LIPA: variants seen among roughly 807,000 people sequenced by gnomAD.
LIPA encodes lysosomal acid lipase/cholesteryl ester hydrolase.
LIPA carries 26 observed loss-of-function variants against 40.6 expected under a neutral mutation model. The observed-to-expected ratio is 0.64, with a 90% CI of 0.47 to 0.89. LIPA has a LOEUF of 0.89. Ranked by LOEUF, LIPA falls within the 40% of genes least tolerant of loss-of-function variation. The pLI, the probability that LIPA is intolerant of heterozygous loss-of-function variation, is 0.00. For synonymous variants in LIPA, 188 were observed against 168.4 expected (o/e 1.12, Z -0.90); for missense variants, 455 against 479.6 (o/e 0.95, Z 0.48).
Position 89,214,714 on chromosome 10 carries a change from TATAAAAAAACAAAAGACCTGGGAA to T in LIPA, c.*90_*113del. 1 of 693,500 alleles carries T rather than the reference TATAAAAAAACAAAAGACCTGGGAA, an allele frequency of 1.4e-6. No homozygotes were observed. The highest frequency in any genetic ancestry group is 2.7e-5 in the East Asian group (1 of 36,958). 43.0% of individuals were successfully genotyped at this position (693,500 alleles called of 1,614,324 possible). A position where few individuals can be genotyped will look rare whatever the true frequency, so the allele number is the denominator to read the frequency against. On this transcript the variant is annotated 3_prime_UTR_variant, in exon 10 of 10. Transcript: ENST00000336233. ...TCTTCAAAGTTATCATTTTCTTGGATATAAAAAAACAAAAGACCTGGGAAAGAAAAACAAGTGTTTTACAGAAAT... is the reference window on the plus strand; with the variant it reads ...TCTTCAAAGTTATCATTTTCTTGGATAGAAAAACAAGTGTTTTACAGAAAT...
chr10:89,371,142 G>A (rs1482562728), intron 2 of LIPA, among the ~76,000 whole-genome samples: 1 of 152,272 alleles, frequency 6.6e-6, no homozygotes, highest in Admixed American at 6.5e-5. Flanking sequence ...GCACTGGCCA[G>A]ATCCCACCAA....
intron 2 of LIPA, chr10:89,383,539 A>T (rs1409567030): frequency 6.2e-7 from 1 of 1,614,236 alleles, no homozygotes; most frequent in Non-Finnish European, 8.5e-7. Context: ...GGTCAGCTTG[A>T]AAAAGGCTGA....
At chr10:89,303,652 T>C (rs1277379491) in intron 1 of LIPA, among the ~76,000 whole-genome samples, 1 of 152,252 alleles carries the variant, frequency 6.6e-6, no homozygotes, top group Non-Finnish European at 1.5e-5. Flanking sequence ...ATATTAAATA[T>C]CTCTATCCTG....
intron 4 of LIPA, among the ~76,000 whole-genome samples, 195 bp from the exon 5 acceptor site, chr10:89,227,199 T>C (rs1842781123): frequency 6.6e-6 from 1 of 152,240 alleles, no homozygotes; most frequent in African/African-American, 2.4e-5. Context: ...CAAAAGTAAC[T>C]ATTGTCCTCA....
At chr10:89,245,943 C>T (rs1843019186) in intron 2 of LIPA, 150 bp from the exon 3 acceptor site, 3 of 691,400 alleles carry the variant, frequency 4.3e-6, no homozygotes, top group Non-Finnish European at 5.3e-6. Context: ...TAGTAGCCAA[C>T]TTCTCATCAC....
intron 3 of LIPA, among the ~76,000 whole-genome samples, chr10:89,243,801 T>C (rs1393780732): frequency 6.6e-6 from 1 of 152,204 alleles, no homozygotes. Context: ...AACCACTGTA[T>C]GGAGAGAGAA....
chr10:89,298,527 C>G (rs1396942335), intron 1 of LIPA, among the ~76,000 whole-genome samples: 1 of 152,100 alleles, frequency 6.6e-6, no homozygotes, highest in Non-Finnish European at 1.5e-5. Context: ...AAAGTCCTCC[C>G]CTACAAAAGC....
intron 2 of LIPA, among the ~76,000 whole-genome samples, chr10:89,394,694 A>G (rs998844502): frequency 6.7e-6 from 1 of 150,188 alleles, no homozygotes. Context: ...GTAAAATAAA[A>G]TTTATCATTT....
intron 1 of LIPA, among the ~76,000 whole-genome samples, chr10:89,264,195 G>T (rs1033099546): frequency 2.0e-5 from 3 of 152,180 alleles, no homozygotes; most frequent in African/African-American, 7.2e-5. Context: ...CCCTATTTGT[G>T]TTACAGCTCT....
At position 89,223,817 on chromosome 10, in the gene LIPA, T is replaced by A; in HGVS notation, c.689A>T (p.Asp230Val). ...PDHLIKDLFG[D>V]KEFLPQSAFL... ...CGCACTCTGGGGAAGAAATTCTTTGTCTCCAAATAAGTCCTACAAAATAAA... is the reference window on the plus strand; with the variant it reads ...CGCACTCTGGGGAAGAAATTCTTTGACTCCAAATAAGTCCTACAAAATAAA... Residue 230 changes from aspartate (D) to valine (V), a missense_variant, in exon 7 of 10, where the codon GAC becomes GTC. By Grantham distance (152) the Asp-to-Val change is radical. Coordinates refer to ENST00000336233, the MANE Select transcript of LIPA (RefSeq NM_000235.4). The A allele has an allele frequency of 1.2e-6, 2 of 1,614,064 alleles. No homozygotes were observed. The highest frequency in any genetic ancestry group is 2.2e-5 in the South Asian group (2 of 91,074).
chr10:89,254,858 A>G (rs1564769920), upstream of LIPA, among the ~76,000 whole-genome samples: 1 of 152,178 alleles, frequency 6.6e-6, no homozygotes, highest in African/African-American at 2.4e-5. Flanking sequence ...GGGCAGGGAC[A>G]AAATGCCCCC....
At chr10:89,270,799 G>C (rs1843261633) in intron 1 of LIPA, among the ~76,000 whole-genome samples, 1 of 152,212 alleles carries the variant, frequency 6.6e-6, no homozygotes, top group Non-Finnish European at 1.5e-5. Context: ...AGATAGGGAG[G>C]CTCTATGGCA....
intron 1 of LIPA, among the ~76,000 whole-genome samples, chr10:89,332,109 T>C (rs1564788159): frequency 6.6e-6 from 1 of 152,024 alleles, no homozygotes; most frequent in East Asian, 1.9e-4. Flanking sequence ...TGCACGTCTG[T>C]AATCCCAGCT....
intron 1 of LIPA, chr10:89,277,782 C>T (rs1843296162): frequency 6.6e-6 from 1 of 152,152 alleles, no homozygotes; most frequent in South Asian, 2.1e-4. Context: ...CATTCATCTT[C>T]CAAGAAAACA....
chr10:89,277,724 TTGGGTTCAGGGATATGAC>T (rs1307975729), intron 1 of LIPA, among the ~76,000 whole-genome samples: 1 of 152,230 alleles, frequency 6.6e-6, no homozygotes, highest in Non-Finnish European at 1.5e-5. Flanking sequence ...CTGGTCATGA[TTGGGTTCAGGGATATGAC>T]TGGATTGGAG....
At chr10:89,408,200 AT>A (rs1213196133) in intron 2 of LIPA, among the ~76,000 whole-genome samples, 2 of 152,046 alleles carry the variant, frequency 1.3e-5, no homozygotes, top group Non-Finnish European at 2.9e-5. Context: ...GAGGTGGCTC[AT>A]TTTTTTCTGT....
intron 2 of LIPA, among the ~76,000 whole-genome samples, chr10:89,374,307 T>G (rs1032830668): frequency 1.2e-4 from 18 of 152,096 alleles, no homozygotes; most frequent in South Asian, 8.3e-4. Flanking sequence ...TAGTTTCCAT[T>G]GTTTTTTTCC....
At chr10:89,403,083 G>T (rs757151697) in intron 2 of LIPA, 1 of 1,614,064 alleles carries the variant, frequency 6.2e-7, no homozygotes, top group African/African-American at 1.3e-5. Context: ...TGTGGATAAA[G>T]CTCTTGAGTT....
chr10:89,238,530 A>G (rs1842931617), intron 3 of LIPA, among the ~76,000 whole-genome samples: 1 of 152,038 alleles, frequency 6.6e-6, no homozygotes, highest in Admixed American at 6.5e-5. Flanking sequence ...TCATAAAGTT[A>G]CCCTGAATGT....
Sources: gnomAD v4.1 joint callset for allele counts (sites outside exome capture counted in the v4.1 genomes callset) on GRCh38, gnomAD v4.1.1 for gene constraint, MANE v1.5 for transcripts, NCBI Gene and HGNC (gene_info 2026-07-23, HGNC 2026-07-21) for gene names.